NRG3: variants seen among roughly 807,000 people sequenced by gnomAD.
NRG3 encodes neuregulin 3.
In NRG3, 31 loss-of-function variants were observed where a neutral mutation model predicts 66.9. That is an observed-to-expected ratio of 0.46 (90% CI 0.35 to 0.63). NRG3 has a LOEUF of 0.63. NRG3 is among the 20% of genes least tolerant of loss of function. The pLI, the probability that NRG3 is intolerant of heterozygous loss-of-function variation, is 0.00. For missense variants in NRG3, 910 were observed against 878.9 expected (o/e 1.04, Z -0.45); for synonymous variants, 393 against 359.4 (o/e 1.09, Z -1.06).
At chr10:82,879,526 G>T (rs1262603149) in intron 4 of NRG3, among the ~76,000 whole-genome samples, 2 of 145,494 alleles carry the variant, frequency 1.4e-5, no homozygotes, top group Non-Finnish European at 3.0e-5. Flanking sequence ...AGGCTGGAGT[G>T]CAGTGGCGCG....
intron 2 of NRG3, among the ~76,000 whole-genome samples, chr10:82,461,104 C>T (rs1381891702): frequency 6.6e-6 from 1 of 152,010 alleles, no homozygotes; most frequent in African/African-American, 2.4e-5. Context: ...CCACCACCAT[C>T]AAAATCATCA....
chr10:82,641,417 A>G (rs1339860392), intron 2 of NRG3, among the ~76,000 whole-genome samples: 1 of 152,152 alleles, frequency 6.6e-6, no homozygotes, highest in African/African-American at 2.4e-5. Flanking sequence ...TTCCCACACT[A>G]TTTATGGGCT....
chr10:82,916,651 G>C (rs1209131544), intron 4 of NRG3, among the ~76,000 whole-genome samples: 1 of 150,522 alleles, frequency 6.6e-6, no homozygotes, highest in East Asian at 1.9e-4. Flanking sequence ...TTTTGAGACA[G>C]AGCCTTGCTT....
At chr10:82,619,984 A>G (rs2048930158) in intron 2 of NRG3, among the ~76,000 whole-genome samples, 1 of 152,180 alleles carries the variant, frequency 6.6e-6, no homozygotes, top group South Asian at 2.1e-4. Context: ...TAACCCCTTC[A>G]TCGGACTTGT....
At chr10:82,900,244 C>A (rs1226437456) in intron 4 of NRG3, among the ~76,000 whole-genome samples, 1 of 152,168 alleles carries the variant, frequency 6.6e-6, no homozygotes, top group Admixed American at 6.5e-5. Context: ...CAAGCCCCAC[C>A]TTCAAAATTG....
intron 2 of NRG3, among the ~76,000 whole-genome samples, chr10:82,582,892 A>T (rs1274968924): frequency 1.3e-5 from 2 of 152,156 alleles, no homozygotes; most frequent in African/African-American, 2.4e-5. Context: ...GTTTATTTTC[A>T]GGGTGGGAAT....
At chr10:82,592,533 A>G (rs1160470998) in intron 2 of NRG3, among the ~76,000 whole-genome samples, 1 of 152,178 alleles carries the variant, frequency 6.6e-6, no homozygotes, top group Admixed American at 6.5e-5. Flanking sequence ...TCTCAGTGAG[A>G]CTACTCATGT....
Position 82,724,815 on chromosome 10 carries a change from C to T in NRG3, c.954-13762C>T, listed in dbSNP as rs185619853. Among the ~76,000 whole-genome samples the T allele has an allele frequency of 2.3e-3, 343 of 152,276 alleles. 1 individual carries two copies. Among genetic ancestry groups the T allele is most frequent in the Non-Finnish European group, 4.0e-3 (272 of 68,022 alleles). On this transcript the variant is annotated intron_variant, in intron 2 of 8. Coordinates refer to ENST00000372141, the MANE Select transcript of NRG3 (RefSeq NM_001010848.4). ...TTGTTTGCTAATGAGCTCTGTCTCT[C>T]CTTTATAATGTCAATCATAAGGATG...
At chr10:82,429,399 T>C (rs773633741) in intron 2 of NRG3, among the ~76,000 whole-genome samples, 4 of 152,112 alleles carry the variant, frequency 2.6e-5, no homozygotes, top group Non-Finnish European at 5.9e-5. Context: ...TGAATAAATA[T>C]AGACTTTTTA....
chr10:82,352,538 C>T (rs985188000), intron 1 of NRG3, among the ~76,000 whole-genome samples: 1 of 152,148 alleles, frequency 6.6e-6, no homozygotes, highest in Non-Finnish European at 1.5e-5. Flanking sequence ...CTTTACTGGG[C>T]AACACTATAG....
chr10:82,488,515 T>C (rs191838864), intron 2 of NRG3, among the ~76,000 whole-genome samples: 3 of 152,346 alleles, frequency 2.0e-5, no homozygotes, highest in African/African-American at 7.2e-5. Flanking sequence ...TATTATTTTT[T>C]AATTGCAAAG....
chr10:82,005,372 A>G (rs2061341595), intron 1 of NRG3, among the ~76,000 whole-genome samples: 1 of 152,216 alleles, frequency 6.6e-6, no homozygotes, highest in Non-Finnish European at 1.5e-5. Context: ...TTTTTTAACC[A>G]TCACTTTTAT....
chr10:81,879,116 G>C (rs75614869), intron 1 of NRG3, among the ~76,000 whole-genome samples: 1 of 152,180 alleles, frequency 6.6e-6, no homozygotes, highest in South Asian at 2.1e-4. Flanking sequence ...GTCCTCCACC[G>C]TTTAGGCCGT....
intron 2 of NRG3, among the ~76,000 whole-genome samples, chr10:82,455,504 T>C (rs2091226073): frequency 6.6e-6 from 1 of 152,114 alleles, no homozygotes; most frequent in Admixed American, 6.5e-5. Flanking sequence ...CTTGAAGGCC[T>C]GGAAGTTGCT....
chr10:82,023,148 T>A (rs2062137750), intron 1 of NRG3, among the ~76,000 whole-genome samples: 2 of 151,944 alleles, frequency 1.3e-5, no homozygotes, highest in Admixed American at 6.6e-5. Flanking sequence ...CTCTCTTGAT[T>A]TCTTTTAGAG....
intron 4 of NRG3, among the ~76,000 whole-genome samples, chr10:82,889,463 A>T (rs1842972524): frequency 6.6e-6 from 1 of 152,198 alleles, no homozygotes; most frequent in African/African-American, 2.4e-5. Flanking sequence ...AATAATATCA[A>T]GATGCATTTT....
At chr10:82,870,798 T>A (rs1479655495) in intron 4 of NRG3, among the ~76,000 whole-genome samples, 4 of 152,226 alleles carry the variant, frequency 2.6e-5, no homozygotes, top group Non-Finnish European at 4.4e-5. Context: ...TTGTTAAGAA[T>A]TCTTTGTATT....
chr10:81,953,137 CT>C (rs1225402322), intron 1 of NRG3, among the ~76,000 whole-genome samples: 1 of 152,174 alleles, frequency 6.6e-6, no homozygotes, highest in East Asian at 1.9e-4. Flanking sequence ...CTCTAACACT[CT>C]TCCTGAATTC....
intron 2 of NRG3, among the ~76,000 whole-genome samples, chr10:82,422,123 ACT>A (rs1207374646): frequency 6.6e-6 from 1 of 152,022 alleles, no homozygotes; most frequent in Non-Finnish European, 1.5e-5. Context: ...ATTTCAATAC[ACT>A]TGTTTAAGCT....
Sources: allele counts gnomAD v4.1 joint callset (sites outside exome capture counted in the v4.1 genomes callset), GRCh38; gene constraint gnomAD v4.1.1; transcripts MANE v1.5; gene names NCBI Gene and HGNC (gene_info 2026-07-23, HGNC 2026-07-21).